The following MYPN variants were observed in gnomAD, a reference collection of about 807,000 sequenced individuals.
MYPN encodes the protein sarcomeric protein myopalladin, 145 kDa (MYOP).
In MYPN, 63 loss-of-function variants were observed where a neutral mutation model predicts 129.4. That is an observed-to-expected ratio of 0.49 (90% CI 0.40 to 0.60). The LOEUF is 0.60. Ranked by LOEUF, MYPN falls within the 20% of genes least tolerant of loss-of-function variation. MYPN has a pLI of 0.00. For synonymous variants in MYPN, 629 were observed against 600.9 expected (o/e 1.05, Z -0.68); for missense variants, 1,596 against 1,635.4 (o/e 0.98, Z 0.42).
chr10:68,202,394 C>T (rs1246321780), intron 18 of MYPN, among the ~76,000 whole-genome samples: 4 of 151,388 alleles, frequency 2.6e-5, no homozygotes, highest in East Asian at 1.9e-4. Flanking sequence ...GATTGCGCCA[C>T]GGGACTCCAG....
At chr10:68,134,936 ATTATT>A (rs1289128367) in intron 2 of MYPN, among the ~76,000 whole-genome samples, 8 of 151,862 alleles carry the variant, frequency 5.3e-5, no homozygotes, top group Admixed American at 1.3e-4. Flanking sequence ...AACTCAATAA[ATTATT>A]TTATTTTATT....
At chr10:68,111,701 T>C (rs2042084215) in intron 1 of MYPN, among the ~76,000 whole-genome samples, 1 of 152,244 alleles carries the variant, frequency 6.6e-6, no homozygotes, top group Non-Finnish European at 1.5e-5. Flanking sequence ...TTACCTGCAG[T>C]AGCTATAGAG....
At position 68,194,608 on chromosome 10, in the gene MYPN, T is replaced by C. The variant is rs552402642; in HGVS notation, c.3075+96T>C. 2.3e-4 allele frequency: 319 copies of C among 1,367,698 alleles called. 3 individuals carry two copies. Among genetic ancestry groups the C allele is most frequent in the South Asian group, 9.4e-4 (76 of 80,868 alleles). 84.7% of individuals were successfully genotyped at this position (1,367,698 alleles called of 1,614,324 possible). ...CTTGAGAAGTGCGAGTTACTAAGGA[T>C]TGCTGAGGAAAATGAATGAGAAGCA... On this transcript the variant is annotated intron_variant, in intron 14 of 19. Transcript: ENST00000358913.
intron 6 of MYPN, among the ~76,000 whole-genome samples, chr10:68,151,808 C>G (rs186637335): frequency 6.6e-6 from 1 of 152,314 alleles, no homozygotes; most frequent in East Asian, 1.9e-4. Context: ...TTGAAATCTT[C>G]CTAGGTACTG....
At chr10:68,158,392 T>C (rs754421065) in intron 6 of MYPN, 94 bp from the exon 7 acceptor site, 18 of 1,222,428 alleles carry the variant, frequency 1.5e-5, no homozygotes, top group Admixed American at 3.9e-5. Context: ...AATCCAAATA[T>C]GGAGACGGCA....
At chr10:68,173,185 G>A (rs761531763) in intron 10 of MYPN, among the ~76,000 whole-genome samples, 4 of 152,170 alleles carry the variant, frequency 2.6e-5, no homozygotes, top group South Asian at 4.1e-4. Flanking sequence ...GTTTGTTATC[G>A]CGAGAGAATG....
chr10:68,142,804 A>T, intron 2 of MYPN, 136 bp from the exon 3 acceptor site: 1 of 855,476 alleles, frequency 1.2e-6, no homozygotes, highest in Non-Finnish European at 2.0e-6. Context: ...ACAAAAAAAT[A>T]ATGTTATAAT....
intron 1 of MYPN, among the ~76,000 whole-genome samples, chr10:68,089,547 G>A (rs938774234): frequency 1.3e-5 from 2 of 151,670 alleles, no homozygotes; most frequent in African/African-American, 2.4e-5. Flanking sequence ...GGGTTTCACC[G>A]TGTTAGCCAG....
chr10:68,115,570 A>G (rs549755653), intron 1 of MYPN, among the ~76,000 whole-genome samples: 3 of 152,302 alleles, frequency 2.0e-5, no homozygotes, highest in Non-Finnish European at 4.4e-5. Context: ...CTTGTGTAGC[A>G]TGTTGCAATT....
chr10:68,147,598 C>T (rs538585030), intron 4 of MYPN, among the ~76,000 whole-genome samples: 6 of 152,300 alleles, frequency 3.9e-5, no homozygotes, highest in African/African-American at 1.4e-4. Context: ...ATCCCAAGTT[C>T]TCTTCAAGTC....
At chr10:68,092,351 C>T (rs902681785) in intron 1 of MYPN, among the ~76,000 whole-genome samples, 19 of 151,922 alleles carry the variant, frequency 1.3e-4, no homozygotes, top group African/African-American at 3.4e-4. Context: ...GAAAATTAGC[C>T]GGGCATGGTG....
intron 1 of MYPN, among the ~76,000 whole-genome samples, chr10:68,095,057 T>A (rs757383836): frequency 5.9e-5 from 9 of 152,084 alleles, no homozygotes; most frequent in Non-Finnish European, 1.3e-4. Context: ...GGAGACTTTT[T>A]AAAAGCAATG....
chr10:68,089,932 G>A (rs1564635049), intron 1 of MYPN, among the ~76,000 whole-genome samples: 1 of 152,080 alleles, frequency 6.6e-6, no homozygotes, highest in Non-Finnish European at 1.5e-5. Context: ...TATCCATTTA[G>A]GGTATCATTA....
At chr10:68,199,301 G>A in intron 16 of MYPN, 67 bp from the exon 17 acceptor site, 1 of 1,489,858 alleles carries the variant, frequency 6.7e-7, no homozygotes. Context: ...CAAGGATAAA[G>A]AATTCAGCCA....
In MYPN at chr10:68,199,238, A is replaced by G. The variant is rs535263596; in HGVS notation, c.3286-130A>G. ...TCTTCGTTTCTCTCGATGCCCCTAC[A>G]GAGAGGTTTCTCATCACTCCATGTT... On this transcript the variant is annotated intron_variant, in intron 16 of 19. Transcript: ENST00000358913. 1.1e-5 allele frequency: 9 copies of G among 852,514 alleles called. No individual in the cohort carries two copies. In the South Asian group the frequency reaches 1.1e-4, roughly 11 times the overall value. The allele number at this position is 852,514 out of a possible 1,614,324, so 52.8% of individuals were successfully genotyped here.
chr10:68,155,050 A>T (rs1333796723), intron 6 of MYPN, among the ~76,000 whole-genome samples: 2 of 151,890 alleles, frequency 1.3e-5, no homozygotes, highest in Non-Finnish European at 2.9e-5. Flanking sequence ...GCATGGTGGC[A>T]CTCGCCTGTG....
At chr10:68,112,789 C>T (rs991219554) in intron 1 of MYPN, among the ~76,000 whole-genome samples, 6 of 151,998 alleles carry the variant, frequency 3.9e-5, no homozygotes, top group Admixed American at 2.6e-4. Context: ...GCCGTTCACA[C>T]GAAAAATAGA....
At chr10:68,144,642 G>T (rs1426318656) in intron 3 of MYPN, among the ~76,000 whole-genome samples, 1 of 149,040 alleles carries the variant, frequency 6.7e-6, no homozygotes. Flanking sequence ...GGATTGCTGG[G>T]TTTTTTTTTT....
chr10:68,159,621 T>C (rs554503993), intron 7 of MYPN, among the ~76,000 whole-genome samples: 3 of 152,316 alleles, frequency 2.0e-5, no homozygotes, highest in South Asian at 2.1e-4. Context: ...CCTTGACCCA[T>C]TTCAGCCATA....
Sources: gnomAD v4.1 joint callset for allele counts (sites outside exome capture counted in the v4.1 genomes callset) on GRCh38, gnomAD v4.1.1 for gene constraint, MANE v1.5 for transcripts, NCBI Gene and HGNC (gene_info 2026-07-23, HGNC 2026-07-21) for gene names.